Variants in PRKRA observed in about 807,000 individuals in gnomAD.
PRKRA encodes the protein protein activator of interferon induced protein kinase EIF2AK2, also known as interferon-inducible double-stranded RNA-dependent protein kinase activator A.
Under a neutral mutation model 32.4 loss-of-function variants are expected in PRKRA, and 22 were observed. That is an observed-to-expected ratio of 0.68 (90% CI 0.49 to 0.97). The LOEUF is 0.97. PRKRA is among the 50% of genes least tolerant of loss of function. The pLI is 0.00. For missense variants in PRKRA, 319 were observed against 375.6 expected (o/e 0.85, Z 1.25); for synonymous variants, 139 against 129.8 (o/e 1.07, Z -0.48).
intron 6 of PRKRA, chr2:178,440,085 T>C (rs191061521): frequency 1.3e-5 from 2 of 152,306 alleles, no homozygotes; most frequent in East Asian, 1.9e-4. Context: ...AGAGTTTAAA[T>C]AGCATTGAAA....
In PRKRA at chr2:178,432,042, G is replaced by A; in HGVS notation, c.*55C>T. 3 of 1,585,190 alleles carry A rather than the reference G, an allele frequency of 1.9e-6. No homozygotes were observed. Among genetic ancestry groups the A allele is most frequent in the South Asian group, 2.2e-5 (2 of 89,938 alleles). ...ACGGTAAAAGTTTTACTTGGGAAGG[G>A]GCCAGAGGGGAACTTTTTATGTGCT... On this transcript the variant is annotated 3_prime_UTR_variant, in exon 8 of 8. Transcript: ENST00000325748.
chr2:178,441,868 G>A (rs924720417), intron 5 of PRKRA, among the ~76,000 whole-genome samples, 164 bp from the exon 6 acceptor site: 4 of 148,046 alleles, frequency 2.7e-5, no homozygotes, highest in African/African-American at 1.0e-4. Context: ...ATGCTATTTT[G>A]TTTGTATAGC....
At chr2:178,433,610 C>T (rs1223316063) in intron 7 of PRKRA, 3 of 152,060 alleles carry the variant, frequency 2.0e-5, no homozygotes, top group Non-Finnish European at 4.4e-5. Context: ...CTAATGATAT[C>T]GAGCATCTTT....
At chr2:178,449,646 ATC>A (rs1374183258) in intron 2 of PRKRA, among the ~76,000 whole-genome samples, 1 of 152,212 alleles carries the variant, frequency 6.6e-6, no homozygotes, top group African/African-American at 2.4e-5. Context: ...GTTACTTATA[ATC>A]TCTCTGAACC....
chr2:178,443,764 A>G (rs1697206182), intron 4 of PRKRA: 2 of 216,850 alleles, frequency 9.2e-6, no homozygotes, highest in Non-Finnish European at 1.9e-5. Context: ...TTCCAAACCC[A>G]CAGCTGGCCA....
chr2:178,447,261 T>G, intron 3 of PRKRA: 1 of 549,934 alleles, frequency 1.8e-6, no homozygotes. Flanking sequence ...TACTGTTGTA[T>G]CCCATTAAAA....
chr2:178,448,400 G>C (rs1209784687), intron 2 of PRKRA, among the ~76,000 whole-genome samples: 1 of 152,158 alleles, frequency 6.6e-6, no homozygotes, highest in African/African-American at 2.4e-5. Context: ...CAGGTATTAG[G>C]GATATAGCAT....
intron 5 of PRKRA, among the ~76,000 whole-genome samples, chr2:178,442,265 A>C (rs1369550149): frequency 6.6e-6 from 1 of 152,126 alleles, no homozygotes; most frequent in Non-Finnish European, 1.5e-5. Flanking sequence ...GTTTTTCTAT[A>C]ATAATTGTAT....
chr2:178,450,815 C>G, intron 1 of PRKRA, 151 bp downstream of exon 1: 1 of 1,342,032 alleles, frequency 7.5e-7, no homozygotes, highest in Non-Finnish European at 9.5e-7. Flanking sequence ...ACCCTCGCCG[C>G]CGAGAGGGCG....
At chr2:178,440,330 CTTT>C (rs962738958) in intron 6 of PRKRA, 3 of 152,028 alleles carry the variant, frequency 2.0e-5, no homozygotes, top group Non-Finnish European at 1.5e-5. Flanking sequence ...TACAGTTGTA[CTTT>C]TTTATTTCCC....
intron 2 of PRKRA, among the ~76,000 whole-genome samples, chr2:178,447,895 G>T (rs1697383627): frequency 6.6e-6 from 1 of 152,198 alleles, no homozygotes; most frequent in East Asian, 1.9e-4. Context: ...ATATAACATG[G>T]TAATAAAGTA....
At chr2:178,450,740 C>T (rs1575105652) in intron 1 of PRKRA, 1 of 1,359,282 alleles carries the variant, frequency 7.4e-7, no homozygotes, top group Non-Finnish European at 9.4e-7. Context: ...GACCGAGCGT[C>T]ACCTCCGCCC....
At chr2:178,442,532 A>C (rs1024371968) in intron 5 of PRKRA, among the ~76,000 whole-genome samples, 7 of 152,188 alleles carry the variant, frequency 4.6e-5, no homozygotes, top group Non-Finnish European at 1.0e-4. Context: ...GGTCCAGAGA[A>C]ATTAAGTAAT....
intron 2 of PRKRA, among the ~76,000 whole-genome samples, chr2:178,448,068 A>G (rs1431416142): frequency 1.3e-5 from 2 of 152,224 alleles, no homozygotes; most frequent in African/African-American, 4.8e-5. Context: ...AGCCTGTCCT[A>G]TAACGTATCA....
At chr2:178,447,262 C>T (rs1401026862) in intron 3 of PRKRA, 6 of 547,250 alleles carry the variant, frequency 1.1e-5, no homozygotes, top group Non-Finnish European at 1.9e-5. Flanking sequence ...ACTGTTGTAT[C>T]CCATTAAAAA....
chr2:178,441,464 A>G, intron 6 of PRKRA, 146 bp downstream of exon 6: 1 of 683,698 alleles, frequency 1.5e-6, no homozygotes, highest in Non-Finnish European at 2.5e-6. Context: ...GGAAGCAGCT[A>G]AAAATGGGGT....
chr2:178,447,146 T>C (rs1469808238), intron 3 of PRKRA, among the ~76,000 whole-genome samples: 1 of 152,128 alleles, frequency 6.6e-6, no homozygotes, highest in Non-Finnish European at 1.5e-5. Context: ...AGAGTACTTT[T>C]AGTGGATCTT....
intron 7 of PRKRA, among the ~76,000 whole-genome samples, chr2:178,435,885 G>C (rs531143636): frequency 6.6e-6 from 1 of 152,308 alleles, no homozygotes; most frequent in Non-Finnish European, 1.5e-5. Context: ...TCTTAGAACA[G>C]TGTCTGGCAC....
intron 7 of PRKRA, among the ~76,000 whole-genome samples, chr2:178,435,642 C>T (rs1481611443): frequency 6.6e-6 from 1 of 152,196 alleles, no homozygotes; most frequent in Non-Finnish European, 1.5e-5. Context: ...GCACCACAAA[C>T]TTGTACTTGT....
Sources: gnomAD v4.1 joint callset for allele counts (sites outside exome capture counted in the v4.1 genomes callset) on GRCh38, gnomAD v4.1.1 for gene constraint, MANE v1.5 for transcripts, NCBI Gene and HGNC (gene_info 2026-07-23, HGNC 2026-07-21) for gene names.